Variants in ATG7 observed in about 807,000 individuals in gnomAD.
ATG7 encodes ubiquitin-like modifier-activating enzyme ATG7.
ATG7 carries 70 observed loss-of-function variants against 82.4 expected under a neutral mutation model. The ratio of observed to expected loss-of-function variants is 0.85; its 90% CI spans 0.70 to 1.04. ATG7 has a LOEUF of 1.04. ATG7 is among the 50% of genes least tolerant of loss of function. The pLI is 0.00. For missense variants in ATG7, 792 were observed against 864.3 expected, an observed-to-expected ratio of 0.92 and a Z score of 1.05; for synonymous variants, 287 against 313.0, an observed-to-expected ratio of 0.92 and a Z score of 0.88.
chr3:11,341,530 C>T (rs973483994), intron 12 of ATG7, among the ~76,000 whole-genome samples: 1 of 151,448 alleles, frequency 6.6e-6, no homozygotes, highest in African/African-American at 2.4e-5. Context: ...TCACTGCAAC[C>T]TCTGCTTCCC....
chr3:11,552,151 T>C (rs2071866084), intron 20 of ATG7, among the ~76,000 whole-genome samples: 1 of 152,256 alleles, frequency 6.6e-6, no homozygotes, highest in Non-Finnish European at 1.5e-5. Context: ...TACTTTTTCA[T>C]TTGTATTCTA....
Position 11,534,085 on chromosome 3 carries a change from C to A in ATG7, c.2080-20726C>A, listed in dbSNP as rs190361092. ...AGCAGAAAGCCTCCTCCTCCCCCCCCAGGGGAAAGCTGCCAGCCTATCCAG... is the reference window on the plus strand; with the variant it reads ...AGCAGAAAGCCTCCTCCTCCCCCCCAAGGGGAAAGCTGCCAGCCTATCCAG... On this transcript the variant is annotated intron_variant, in intron 20 of 20. Coordinates refer to ENST00000693202, the MANE Select transcript of ATG7 (RefSeq NM_001349232.2). Among the ~76,000 whole-genome samples the A allele has an allele frequency of 5.3e-5, 8 of 152,360 alleles. No homozygotes were observed. In the East Asian group the frequency reaches 1.2e-3, roughly 22 times the overall value.
At chr3:11,528,635 G>A (rs2092633010) in intron 20 of ATG7, among the ~76,000 whole-genome samples, 1 of 151,966 alleles carries the variant, frequency 6.6e-6, no homozygotes, top group Non-Finnish European at 1.5e-5. Flanking sequence ...AGACCAGCCT[G>A]GCCAATATGG....
intron 20 of ATG7, among the ~76,000 whole-genome samples, chr3:11,503,822 A>G (rs145772101): frequency 4.9e-4 from 75 of 151,834 alleles, no homozygotes; most frequent in African/African-American, 1.7e-3. Context: ...ATATAAGTTT[A>G]AAATTCAGTA....
At chr3:11,518,519 C>G (rs1187890146) in intron 20 of ATG7, among the ~76,000 whole-genome samples, 3 of 151,718 alleles carry the variant, frequency 2.0e-5, no homozygotes, top group African/African-American at 7.3e-5. Context: ...TGTACTCCAG[C>G]CTGTCAACAG....
intron 9 of ATG7, among the ~76,000 whole-genome samples, chr3:11,328,743 T>G (rs1951222446): frequency 6.6e-6 from 1 of 152,344 alleles, no homozygotes; most frequent in South Asian, 2.1e-4. Flanking sequence ...ACAATGGTTA[T>G]AGAACATTTA....
At chr3:11,377,716 G>A (rs2077526895) in intron 18 of ATG7, among the ~76,000 whole-genome samples, 1 of 152,148 alleles carries the variant, frequency 6.6e-6, no homozygotes, top group South Asian at 2.1e-4. Flanking sequence ...ATGTGATGAA[G>A]TTCTTTTCTA....
chr3:11,565,105 A>G, the ATG7 span: 1 of 1,279,556 alleles, frequency 7.8e-7, no homozygotes, highest in Non-Finnish European at 1.0e-6. The surrounding 1 kb of genome is among the most constrained non-coding windows in gnomAD (Gnocchi z 4.1). Context: ...CGTGTTGCTT[A>G]TTTAATTTTT....
At chr3:11,518,916 C>G (rs2092358482) in intron 20 of ATG7, among the ~76,000 whole-genome samples, 1 of 152,094 alleles carries the variant, frequency 6.6e-6, no homozygotes, top group African/African-American at 2.4e-5. Flanking sequence ...AGGAAAAAGA[C>G]CTGTTGATCT....
At chr3:11,457,615 A>T (rs1257751763) in intron 20 of ATG7, among the ~76,000 whole-genome samples, 1 of 152,200 alleles carries the variant, frequency 6.6e-6, no homozygotes, top group Non-Finnish European at 1.5e-5. Flanking sequence ...CGGAACATAC[A>T]TTAAGAACTT....
At position 11,364,843 on chromosome 3, in the gene ATG7, C is replaced by T. The variant is rs2076495465; in HGVS notation, c.1875+109C>T. The T allele has an allele frequency of 1.7e-5, 20 of 1,157,050 alleles. No individual in the cohort carries two copies. The South Asian group carries it at 2.8e-4, about 16-fold the overall frequency. The allele number at this position is 1,157,050 out of a possible 1,614,324, so 71.7% of individuals were successfully genotyped here. ...CCCACTTCATATCCACCCTACTTAC[C>T]CTGCAGCTGGGATTTCAATGGGAGA... On this transcript the variant is annotated intron_variant, in intron 18 of 20. Coordinates refer to ENST00000693202, the MANE Select transcript of ATG7 (RefSeq NM_001349232.2).
intron 20 of ATG7, among the ~76,000 whole-genome samples, chr3:11,538,684 A>G (rs1367332656): frequency 2.2e-5 from 3 of 137,436 alleles, no homozygotes; most frequent in Non-Finnish European, 4.6e-5. Flanking sequence ...CTCTAAAAAA[A>G]AAAAAAAAAA....
intron 20 of ATG7, among the ~76,000 whole-genome samples, chr3:11,538,712 C>CCAA (rs2070556998): frequency 1.2e-5 from 1 of 83,986 alleles, no homozygotes; most frequent in African/African-American, 4.8e-5. Context: ...AAAAATTAGC[C>CCAA]AAAAAAAAAA....
intron 19 of ATG7, among the ~76,000 whole-genome samples, chr3:11,409,803 C>G (rs2152913218): frequency 6.6e-6 from 1 of 150,664 alleles, no homozygotes; most frequent in African/African-American, 2.4e-5. Flanking sequence ...TGTGGTTGTC[C>G]AGTTGCTACA....
intron 20 of ATG7, among the ~76,000 whole-genome samples, chr3:11,467,144 CA>C (rs11294078): frequency 0.87 from 131,478 of 151,846 alleles, 57,280 homozygotes; most frequent in East Asian, 1. Flanking sequence ...CAAAAACAAA[CA>C]AAAAAAACTG....
At chr3:11,466,281 AAT>A (rs1351953309) in intron 20 of ATG7, among the ~76,000 whole-genome samples, 2 of 152,236 alleles carry the variant, frequency 1.3e-5, no homozygotes, top group African/African-American at 4.8e-5. Flanking sequence ...ATGAGACATA[AAT>A]ATGTTTTTCC....
intron 20 of ATG7, among the ~76,000 whole-genome samples, chr3:11,497,368 T>TATATATAA (rs1171617514): frequency 1.4e-5 from 1 of 70,134 alleles, no homozygotes; most frequent in Non-Finnish European, 3.1e-5. Flanking sequence ...TATATATATA[T>TATATATAA]ATATATATAT....
intron 18 of ATG7, among the ~76,000 whole-genome samples, chr3:11,376,221 TG>T (rs753597754): frequency 6.6e-6 from 1 of 152,152 alleles, no homozygotes; most frequent in Non-Finnish European, 1.5e-5. Flanking sequence ...GGGTTTCTTT[TG>T]GGGGTGATGA....
In ATG7 at chr3:11,282,918, C is replaced by T. The variant is rs151336485; in HGVS notation, c.-11+480C>T. On this transcript the variant is annotated intron_variant, in intron 3 of 20. Coordinates refer to ENST00000693202, the MANE Select transcript of ATG7 (RefSeq NM_001349232.2). ...GCTAAGAACATATGCTGTTTGTCAG[C>T]GGGACTTGGTCATGTGGTTTGGTGC... Among the ~76,000 whole-genome samples, 510 of 152,286 alleles carry T rather than the reference C, an allele frequency of 3.3e-3. 5 individuals carry two copies. Among genetic ancestry groups the T allele is most frequent in the African/African-American group, 0.011 (446 of 41,552 alleles).
Sources: allele counts gnomAD v4.1 joint callset (sites outside exome capture counted in the v4.1 genomes callset), GRCh38; gene constraint gnomAD v4.1.1; non-coding constraint Gnocchi (gnomAD v3.1); transcripts MANE v1.5; gene names NCBI Gene and HGNC (gene_info 2026-07-23, HGNC 2026-07-21).